Variants in SIRT1 observed in about 807,000 individuals in gnomAD.
The protein encoded by SIRT1 is NAD-dependent protein deacetylase sirtuin-1.
In SIRT1, 24 loss-of-function variants were observed where a neutral mutation model predicts 67.9. The ratio of observed to expected loss-of-function variants is 0.35; its 90% CI spans 0.26 to 0.50. SIRT1 has a LOEUF of 0.50. Ranked by LOEUF, SIRT1 falls within the 20% of genes least tolerant of loss-of-function variation. The pLI is 0.98. For synonymous variants in SIRT1, 378 were observed against 350.7 expected, an observed-to-expected ratio of 1.08 and a Z score of -0.87; for missense variants, 873 against 937.2, an observed-to-expected ratio of 0.93 and a Z score of 0.89.
chr10:67,906,052 CT>C (rs1842816363), intron 4 of SIRT1: 5 of 930,524 alleles, frequency 5.4e-6, no homozygotes, highest in Non-Finnish European at 7.1e-6. Flanking sequence ...GCCATAGTCA[CT>C]TACTAAATGG....
At chr10:67,889,719 C>T (rs1344688663) in intron 3 of SIRT1, among the ~76,000 whole-genome samples, 1 of 152,242 alleles carries the variant, frequency 6.6e-6, no homozygotes, top group Admixed American at 6.5e-5. Flanking sequence ...AAAATTTTGT[C>T]CTGTTTTCTG....
intron 6 of SIRT1, 59 bp downstream of exon 6, chr10:67,908,184 C>A (rs933490621): frequency 4.9e-6 from 7 of 1,420,744 alleles, no homozygotes; most frequent in African/African-American, 1.4e-5. Context: ...TCTTCTTTTG[C>A]CTCAAAATCC....
Position 67,918,175 on chromosome 10 carries a change from A to C in SIRT1, c.*1582A>C, listed in dbSNP as rs201634954. The C allele has an allele frequency of 6.6e-6, 1 of 152,640 alleles. No individual in the cohort carries two copies. Among genetic ancestry groups the C allele is most frequent in the Non-Finnish European group, 1.5e-5 (1 of 68,036 alleles). 9.5% of individuals were successfully genotyped at this position (152,640 alleles called of 1,614,324 possible). On this transcript the variant is annotated 3_prime_UTR_variant, in exon 9 of 9. Coordinates refer to ENST00000212015, the MANE Select transcript of SIRT1 (RefSeq NM_012238.5). Reference sequence around the variant, plus strand: ...GTGCTATAGATGATATTTTAAATTGAAAAGTTTGTTTTAAATTATTTTTAC... The same window carrying C: ...GTGCTATAGATGATATTTTAAATTGCAAAGTTTGTTTTAAATTATTTTTAC...
chr10:67,899,382 C>T (rs1015777045), intron 4 of SIRT1, among the ~76,000 whole-genome samples: 1 of 151,424 alleles, frequency 6.6e-6, no homozygotes, highest in Admixed American at 6.6e-5. Flanking sequence ...CAGACGTGTG[C>T]AGTATCTTTC....
chr10:67,894,906 G>A (rs1318233437), intron 4 of SIRT1, among the ~76,000 whole-genome samples: 1 of 152,078 alleles, frequency 6.6e-6, no homozygotes, highest in Non-Finnish European at 1.5e-5. Flanking sequence ...CACCATGTTG[G>A]CAAGGACGTG....
At chr10:67,891,798 G>A (rs1284723630) in intron 4 of SIRT1, among the ~76,000 whole-genome samples, 3 of 152,160 alleles carry the variant, frequency 2.0e-5, no homozygotes, top group Non-Finnish European at 4.4e-5. Context: ...TTGCACTGCA[G>A]CGATGGTCGT....
chr10:67,907,490 CAAAAAAA>C (rs373037115), intron 5 of SIRT1, among the ~76,000 whole-genome samples: 29 of 109,036 alleles, frequency 2.7e-4, no homozygotes, highest in African/African-American at 7.7e-4. Flanking sequence ...GAGACTCTGT[CAAAAAAA>C]AAAAAAAAAA....
intron 2 of SIRT1, among the ~76,000 whole-genome samples, chr10:67,887,925 C>T (rs1842511589): frequency 6.6e-6 from 1 of 152,170 alleles, no homozygotes; most frequent in Non-Finnish European, 1.5e-5. Flanking sequence ...AGAATATCTT[C>T]CTCCCTCACT....
At chr10:67,913,160 A>G (rs780316779) in intron 8 of SIRT1, 129 bp downstream of exon 8, 58 of 920,678 alleles carry the variant, frequency 6.3e-5, no homozygotes, top group Non-Finnish European at 6.7e-5. Context: ...GAAACTGTAC[A>G]GTTCGTAATC....
rs200444800 is a variant in SIRT1 at position 67,918,349 on chromosome 10, A to C, written c.*1756A>C. On this transcript the variant is annotated 3_prime_UTR_variant, in exon 9 of 9. Transcript: ENST00000212015. ...TGTTTTTTACTTGTACACTGTTTTA[A>C]AGTCTATTAAAATTGTCATTTGACT... 4 of 152,644 alleles carry C rather than the reference A, an allele frequency of 2.6e-5. No homozygotes were observed. The highest frequency in any genetic ancestry group is 4.4e-5 in the Non-Finnish European group (3 of 68,034). 9.5% of individuals were successfully genotyped at this position (152,644 alleles called of 1,614,324 possible). A position where few individuals can be genotyped will look rare whatever the true frequency, so the allele number is the denominator to read the frequency against.
At chr10:67,885,393 C>T in intron 1 of SIRT1, 3 of 1,230,034 alleles carry the variant, frequency 2.4e-6, no homozygotes, top group Non-Finnish European at 3.0e-6. Flanking sequence ...CTTTCCGCAG[C>T]AGCCAGGTCG....
At chr10:67,888,345 G>A (rs144508741) in intron 2 of SIRT1, among the ~76,000 whole-genome samples, 12 of 152,172 alleles carry the variant, frequency 7.9e-5, no homozygotes, top group African/African-American at 2.4e-4. Context: ...CTAGGGAGCT[G>A]GTTTGAGCAA....
At chr10:67,896,161 T>C (rs1413957576) in intron 4 of SIRT1, among the ~76,000 whole-genome samples, 2 of 152,208 alleles carry the variant, frequency 1.3e-5, no homozygotes, top group Non-Finnish European at 2.9e-5. Flanking sequence ...TTTTTCTTTT[T>C]GTTTCTGAGA....
intron 4 of SIRT1, among the ~76,000 whole-genome samples, chr10:67,895,721 G>C (rs1268557969): frequency 7.3e-6 from 1 of 136,482 alleles, no homozygotes; most frequent in Non-Finnish European, 1.6e-5. Flanking sequence ...TGTGATTATT[G>C]AGAATTAACT....
intron 1 of SIRT1, among the ~76,000 whole-genome samples, chr10:67,886,477 G>A (rs1256056101): frequency 6.6e-6 from 1 of 150,376 alleles, no homozygotes; most frequent in Non-Finnish European, 1.5e-5. Flanking sequence ...TTAGTCCCAG[G>A]TACTAGAGTT....
chr10:67,912,433 C>A, intron 7 of SIRT1, 41 bp from the exon 8 acceptor site: 2 of 1,515,556 alleles, frequency 1.3e-6, no homozygotes, highest in African/African-American at 1.4e-5. Flanking sequence ...AGCTTACTTC[C>A]TCCTCCCTTT....
intron 1 of SIRT1, among the ~76,000 whole-genome samples, chr10:67,885,766 A>G (rs532465852): frequency 1.4e-4 from 21 of 152,232 alleles, no homozygotes; most frequent in African/African-American, 2.2e-4. Flanking sequence ...TGGGTATGGG[A>G]GAGAGAGTAC....
chr10:67,892,241 A>G (rs1192190399), intron 4 of SIRT1, among the ~76,000 whole-genome samples: 3 of 152,162 alleles, frequency 2.0e-5, no homozygotes, highest in Non-Finnish European at 4.4e-5. Flanking sequence ...ATTAATTTTG[A>G]ATTCTTTTGA....
rs1029763367 is a variant in SIRT1, at chr10:67,917,691, A to G, written c.*1098A>G. ...TTGGGAGGATTTGGTGTTAAATACC[A>G]AACTGCTAGCCCTAGTATTATGGAG... is the stretch of plus-strand genomic sequence containing the variant. On this transcript the variant is annotated 3_prime_UTR_variant, in exon 9 of 9. Transcript: ENST00000212015. 1 of 148,922 alleles carries G rather than the reference A, an allele frequency of 6.7e-6. No homozygotes were observed. Among genetic ancestry groups the G allele is most frequent in the Admixed American group, 6.6e-5 (1 of 15,210 alleles). The allele number at this position is 148,922 out of a possible 1,614,324, so 9.2% of individuals were successfully genotyped here.
Sources: allele counts gnomAD v4.1 joint callset (sites outside exome capture counted in the v4.1 genomes callset), GRCh38; gene constraint gnomAD v4.1.1; transcripts MANE v1.5; gene names NCBI Gene and HGNC (gene_info 2026-07-23, HGNC 2026-07-21).